PLEKHG1: variants seen among roughly 807,000 people sequenced by gnomAD.
PLEKHG1 encodes pleckstrin homology domain-containing family G member 1.
A neutral mutation model predicts 100.8 loss-of-function variants in PLEKHG1; 44 were observed. That is an observed-to-expected ratio of 0.44 (90% CI 0.34 to 0.56). The LOEUF (loss-of-function observed/expected upper bound fraction) is 0.56, where lower values mean the gene tolerates loss of function less well. Among genes scored for constraint, PLEKHG1 ranks in the 20% least tolerant of loss-of-function variants. PLEKHG1 has a pLI of 0.01. For missense variants in PLEKHG1, 1,545 were observed against 1,720.9 expected, an observed-to-expected ratio of 0.90 and a Z score of 1.81; for synonymous variants, 640 against 662.5, an observed-to-expected ratio of 0.97 and a Z score of 0.52.
chr6:150,761,099 CTTTTTTTTTTTTTT>C (rs35068801), intron 2 of PLEKHG1, among the ~76,000 whole-genome samples: 1 of 95,912 alleles, frequency 1.0e-5, no homozygotes, highest in African/African-American at 4.2e-5. Context: ...TTCTTTTTTT[CTTTTTTTTTTTTTT>C]TTTTTTTTTT....
At chr6:150,823,477 G>A (rs1416653876) in intron 13 of PLEKHG1, among the ~76,000 whole-genome samples, 177 bp from the exon 15 acceptor site, 1 of 152,086 alleles carries the variant, frequency 6.6e-6, no homozygotes, top group Admixed American at 6.6e-5. Context: ...GTAGTGTGGG[G>A]GTATGCAGCT....
intron 1 of PLEKHG1, among the ~76,000 whole-genome samples, chr6:150,732,638 G>A (rs1199448095): frequency 6.6e-6 from 1 of 152,208 alleles, no homozygotes; most frequent in Non-Finnish European, 1.5e-5. Context: ...TTTGTTTTGA[G>A]ATAAAGTCTT....
At chr6:150,630,406 C>A (rs1029652960) in intron 1 of PLEKHG1, among the ~76,000 whole-genome samples, 1 of 152,076 alleles carries the variant, frequency 6.6e-6, no homozygotes, top group Non-Finnish European at 1.5e-5. Flanking sequence ...AAGTGGTGAA[C>A]CATGGTTGAG....
chr6:150,776,975 A>G (rs1278650504), intron 3 of PLEKHG1, among the ~76,000 whole-genome samples: 1 of 151,670 alleles, frequency 6.6e-6, no homozygotes, highest in Non-Finnish European at 1.5e-5. Flanking sequence ...GTGCGGCTGC[A>G]CATCAGCCAC....
In PLEKHG1 at chr6:150,600,069, G is replaced by A. The variant is rs1776267222; in HGVS notation, c.-204+52G>A. 1 of 184,670 alleles carries A rather than the reference G, an allele frequency of 5.4e-6. No individual in the cohort carries two copies. The highest frequency in any genetic ancestry group is 6.4e-5 in the Admixed American group (1 of 15,630). The allele number at this position is 184,670 out of a possible 1,614,324, so 11.4% of individuals were successfully genotyped here. A position where few individuals can be genotyped will look rare whatever the true frequency, so the allele number is the denominator to read the frequency against. On this transcript the variant is annotated intron_variant, in intron 1 of 3. Coordinates refer to the PLEKHG1 transcript ENST00000367326. The surrounding 1 kb of genome is among the most constrained non-coding windows in gnomAD (Gnocchi z 6.2). ...CTGGGGACTTTTCCAGGGATGGGAG[G>A]GGGGACCCGGGGACCTCCGGCGGGA...
At chr6:150,640,555 T>C (rs953936087) in intron 2 of PLEKHG1, among the ~76,000 whole-genome samples, 3 of 152,190 alleles carry the variant, frequency 2.0e-5, no homozygotes, top group African/African-American at 7.2e-5. Flanking sequence ...ATCTATCTTG[T>C]CACCATTTAT....
chr6:150,822,043 G>A (rs1453296907), intron 13 of PLEKHG1, among the ~76,000 whole-genome samples: 1 of 135,376 alleles, frequency 7.4e-6, no homozygotes, highest in Non-Finnish European at 1.5e-5. Context: ...GTTTCTCCAT[G>A]TTGGTCAGGC....
intron 3 of PLEKHG1, among the ~76,000 whole-genome samples, chr6:150,700,488 G>T (rs1019585674): frequency 5.9e-5 from 9 of 152,168 alleles, no homozygotes; most frequent in Non-Finnish European, 1.2e-4. Flanking sequence ...CAGGGCTAAA[G>T]AACCTGGGGT....
At chr6:150,613,867 T>C (rs1254830041) in intron 1 of PLEKHG1, among the ~76,000 whole-genome samples, 3 of 152,234 alleles carry the variant, frequency 2.0e-5, no homozygotes, top group African/African-American at 7.2e-5. Flanking sequence ...CTGGTTTATC[T>C]AGGTCTGCGT....
chr6:150,648,669 A>G (rs1778595402), intron 2 of PLEKHG1, among the ~76,000 whole-genome samples: 2 of 152,176 alleles, frequency 1.3e-5, no homozygotes, highest in Admixed American at 1.3e-4. Flanking sequence ...ACCTTATCAG[A>G]TTTGTGCTGG....
intron 7 of PLEKHG1, among the ~76,000 whole-genome samples, chr6:150,807,593 A>G (rs928989618): frequency 3.3e-5 from 5 of 152,184 alleles, no homozygotes; most frequent in African/African-American, 1.2e-4. Flanking sequence ...ATGTTAGTTT[A>G]TTTATCAATT....
intron 3 of PLEKHG1, among the ~76,000 whole-genome samples, chr6:150,698,360 A>G (rs919408250): frequency 1.3e-5 from 2 of 152,224 alleles, no homozygotes; most frequent in African/African-American, 2.4e-5. Context: ...AGGGACGCTC[A>G]AGCGGTACCT....
intron 2 of PLEKHG1, among the ~76,000 whole-genome samples, chr6:150,751,055 T>C (rs1213288895): frequency 6.6e-6 from 1 of 152,204 alleles, no homozygotes; most frequent in African/African-American, 2.4e-5. Context: ...AAATGAGAGA[T>C]ATTCATATAA....
intron 1 of PLEKHG1, among the ~76,000 whole-genome samples, chr6:150,732,218 AACAG>A (rs1782305818): frequency 7.0e-6 from 1 of 142,474 alleles, no homozygotes; most frequent in African/African-American, 3.0e-5. Flanking sequence ...GCCTTTTCTA[AACAG>A]ACAGTGCCAT....
chr6:150,777,912 C>G (rs1414288725), intron 3 of PLEKHG1, among the ~76,000 whole-genome samples: 2 of 152,266 alleles, frequency 1.3e-5, no homozygotes, highest in East Asian at 1.9e-4. Flanking sequence ...AGAATCATCC[C>G]GTGTCTGGTA....
intron 7 of PLEKHG1, among the ~76,000 whole-genome samples, chr6:150,806,483 G>A (rs1040932984): frequency 2.6e-5 from 4 of 151,888 alleles, no homozygotes; most frequent in Non-Finnish European, 4.4e-5. Flanking sequence ...TCAGGAGTTC[G>A]AGATCAGCCT....
intron 3 of PLEKHG1, among the ~76,000 whole-genome samples, chr6:150,654,841 T>C (rs1778902793): frequency 6.6e-6 from 1 of 152,242 alleles, no homozygotes; most frequent in Admixed American, 6.5e-5. Flanking sequence ...GAGCTAGACA[T>C]TGCTAAGAAT....
At chr6:150,708,628 A>G (rs1781118062) in intron 3 of PLEKHG1, among the ~76,000 whole-genome samples, 1 of 152,218 alleles carries the variant, frequency 6.6e-6, no homozygotes, top group Non-Finnish European at 1.5e-5. Context: ...AATGTGTTCT[A>G]ATAATCATAA....
chr6:150,687,688 G>A (rs368922164), intron 3 of PLEKHG1, among the ~76,000 whole-genome samples: 21 of 152,282 alleles, frequency 1.4e-4, no homozygotes, highest in Middle Eastern at 6.8e-3. Context: ...AAGCAAGTCT[G>A]AGCATAGAAG....
Sources: allele counts gnomAD v4.1 joint callset (sites outside exome capture counted in the v4.1 genomes callset), GRCh38; gene constraint gnomAD v4.1.1; non-coding constraint Gnocchi (gnomAD v3.1); transcripts MANE v1.5; gene names NCBI Gene and HGNC (gene_info 2026-07-23, HGNC 2026-07-21).